The following WDFY4 variants were observed in gnomAD, a reference collection of about 807,000 sequenced individuals.
WDFY4 encodes the protein WD repeat- and FYVE domain-containing protein 4.
Under a neutral mutation model 351.9 loss-of-function variants are expected in WDFY4, and 169 were observed. The ratio of observed to expected loss-of-function variants is 0.48; its 90% CI spans 0.42 to 0.55. The LOEUF (loss-of-function observed/expected upper bound fraction) is 0.55. Among genes scored for constraint, WDFY4 ranks in the 20% least tolerant of loss-of-function variants. The pLI is 0.00. For synonymous variants in WDFY4, 1,622 were observed against 1,574.6 expected (o/e 1.03, Z -0.71); for missense variants, 3,803 against 3,935.6 (o/e 0.97, Z 0.90).
At chr10:48,981,329 T>G in intron 60 of WDFY4, 38 bp from the exon 61 acceptor site, 1 of 1,541,648 alleles carries the variant, frequency 6.5e-7, no homozygotes, top group Non-Finnish European at 8.8e-7. Context: ...GCGAAGCCGA[T>G]CTGGCGTTCT....
chr10:48,818,362 C>G (rs992804386), intron 32 of WDFY4, among the ~76,000 whole-genome samples: 1 of 152,220 alleles, frequency 6.6e-6, no homozygotes, highest in Non-Finnish European at 1.5e-5. Flanking sequence ...GCAACATGCT[C>G]TCTTAGCTAA....
rs1029547732 is a variant in WDFY4 at position 48,877,100 on chromosome 10, C to A, written c.7068C>A (p.Thr2356=). The A allele has an allele frequency of 6.5e-7, 1 of 1,546,588 alleles. No homozygotes were observed. The change falls in exon 43 of 62, where the codon ACC becomes ACA. Residue 2356 remains threonine, a synonymous_variant. Coordinates refer to ENST00000325239, the MANE Select transcript of WDFY4 (RefSeq NM_001394531.1). ...TGGGGGTGGACTGCACCCAGCTGAC[C>A]TTCTTCCCAGCCTTACACGAAAGTC... The part of the protein sequence containing the change: ...DEVGVDCTQL[T]FFPALHESLH...
chr10:48,898,436 A>T (rs1589832734), intron 45 of WDFY4, among the ~76,000 whole-genome samples: 1 of 152,046 alleles, frequency 6.6e-6, no homozygotes, highest in East Asian at 1.9e-4. Flanking sequence ...ATCTCTTCCC[A>T]CCCTCTCTAC....
At chr10:48,880,885 T>G (rs943247584) in intron 43 of WDFY4, among the ~76,000 whole-genome samples, 16 of 128,174 alleles carry the variant, frequency 1.2e-4, no homozygotes, top group South Asian at 4.8e-4. Context: ...CCCGGGGAGG[T>G]GGGGGCAGGG....
chr10:48,699,348 A>G (rs1385741165), intron 1 of WDFY4, among the ~76,000 whole-genome samples: 1 of 152,146 alleles, frequency 6.6e-6, no homozygotes, highest in Non-Finnish European at 1.5e-5. Context: ...ACAGGGACCT[A>G]TTGTAACATC....
intron 1 of WDFY4, among the ~76,000 whole-genome samples, chr10:48,706,640 G>A (rs1302676193): frequency 1.3e-5 from 2 of 152,216 alleles, no homozygotes; most frequent in Non-Finnish European, 2.9e-5. Flanking sequence ...TAGGATTGGT[G>A]TTTCAGGAGC....
intron 31 of WDFY4, among the ~76,000 whole-genome samples, chr10:48,816,385 G>T (rs2067621054): frequency 6.6e-6 from 1 of 152,158 alleles, no homozygotes; most frequent in African/African-American, 2.4e-5. Context: ...GAATTTCTGT[G>T]ACTGTAGTGT....
intron 43 of WDFY4, among the ~76,000 whole-genome samples, chr10:48,881,902 T>C (rs1372830632): frequency 1.3e-5 from 2 of 152,194 alleles, no homozygotes; most frequent in Admixed American, 6.5e-5. Flanking sequence ...AGAGCATAGC[T>C]GGTGGATCCA....
intron 7 of WDFY4, among the ~76,000 whole-genome samples, chr10:48,728,972 C>T (rs998678277): frequency 1.2e-4 from 19 of 152,228 alleles, no homozygotes; most frequent in Admixed American, 4.6e-4. Context: ...TTGAGATGCC[C>T]TTCTCCACAA....
At chr10:48,721,946 C>A (rs1017022888) in intron 4 of WDFY4, among the ~76,000 whole-genome samples, 7 of 152,188 alleles carry the variant, frequency 4.6e-5, no homozygotes, top group African/African-American at 1.7e-4. Context: ...GAGATGAGGG[C>A]TCTCCTCTTT....
At chr10:48,899,273 A>T (rs1373528318) in intron 45 of WDFY4, among the ~76,000 whole-genome samples, 1 of 152,200 alleles carries the variant, frequency 6.6e-6, no homozygotes, top group East Asian at 1.9e-4. Context: ...TGTTTTGCAC[A>T]TTATTTATAT....
At chr10:48,823,630 G>A in intron 35 of WDFY4, 2 of 1,008,836 alleles carry the variant, frequency 2.0e-6, no homozygotes, top group Non-Finnish European at 2.4e-6. Context: ...CTCTGTGAGG[G>A]TTAAAATCAG....
intron 51 of WDFY4, among the ~76,000 whole-genome samples, chr10:48,953,712 C>A (rs916285450): frequency 1.4e-4 from 21 of 152,186 alleles, no homozygotes; most frequent in African/African-American, 4.8e-4. Context: ...TGATTTGGAT[C>A]AGTGTTATCA....
intron 51 of WDFY4, among the ~76,000 whole-genome samples, chr10:48,952,247 C>T (rs927870305): frequency 6.6e-6 from 1 of 152,184 alleles, no homozygotes; most frequent in Non-Finnish European, 1.5e-5. Context: ...CAGCTCAGCC[C>T]CTGCCTCTGA....
Position 48,782,404 on chromosome 10 carries a change from G to A in WDFY4, c.3576+2285G>A, listed in dbSNP as rs181951695. 1.8e-3 allele frequency among the ~76,000 whole-genome samples: 270 copies of A among 152,362 alleles called. 1 individual carries two copies. The highest frequency in any genetic ancestry group is 5.8e-3 in the African/African-American group (240 of 41,586). ...GCATGGAATAAACACTTGATGAACT[G>A]AATTGAATGTGCAGCCACAGGAGGA... On this transcript the variant is annotated intron_variant, in intron 19 of 61. Coordinates refer to ENST00000325239, the MANE Select transcript of WDFY4 (RefSeq NM_001394531.1).
At chr10:48,761,608 C>A (rs1002544005) in intron 13 of WDFY4, among the ~76,000 whole-genome samples, 1 of 152,196 alleles carries the variant, frequency 6.6e-6, no homozygotes, top group Non-Finnish European at 1.5e-5. Flanking sequence ...CCCGGCAGAA[C>A]TAACAGCCTC....
intron 31 of WDFY4, among the ~76,000 whole-genome samples, chr10:48,816,074 C>T (rs1197915474): frequency 6.6e-6 from 1 of 152,102 alleles, no homozygotes; most frequent in South Asian, 2.1e-4. Flanking sequence ...CTTGTTTAGG[C>T]TTTTAAATGT....
intron 19 of WDFY4, among the ~76,000 whole-genome samples, chr10:48,780,837 T>G (rs2066196072): frequency 6.6e-6 from 1 of 152,182 alleles, no homozygotes; most frequent in Admixed American, 6.5e-5. Flanking sequence ...TGCAAAGGCT[T>G]TTTAAAGTTC....
At position 48,805,395 on chromosome 10, in the gene WDFY4, C is replaced by A; in HGVS notation, c.4620C>A (p.Gly1540=). ...IIGILACQLR[G]HFSTQDLLRI... ...GCATCCTGGCCTGTCAGCTGAGGGG[C>A]CACTTCAGCACCCAGGACTTGCTCA... Residue 1540 remains glycine, a synonymous_variant, in exon 26 of 62, where the codon GGC becomes GGA. Coordinates refer to ENST00000325239, the MANE Select transcript of WDFY4 (RefSeq NM_001394531.1). 1 of 1,549,176 alleles carries A rather than the reference C, an allele frequency of 6.5e-7. No homozygotes were observed. The highest frequency in any genetic ancestry group is 8.7e-7 in the Non-Finnish European group (1 of 1,147,010).
Sources: gnomAD v4.1 joint callset for allele counts (sites outside exome capture counted in the v4.1 genomes callset) on GRCh38, gnomAD v4.1.1 for gene constraint, MANE v1.5 for transcripts, NCBI Gene and HGNC (gene_info 2026-07-23, HGNC 2026-07-21) for gene names.